ZSCAN5A: variants seen among roughly 807,000 people sequenced by gnomAD.
The protein encoded by ZSCAN5A is zinc finger and SCAN domain containing 5A.
In ZSCAN5A, 12 loss-of-function variants were observed where a neutral mutation model predicts 23.7. The ratio of observed to expected loss-of-function variants is 0.51; its 90% CI spans 0.32 to 0.82. The LOEUF is 0.82. Ranked by LOEUF, ZSCAN5A falls within the 40% of genes least tolerant of loss-of-function variation. The pLI is 0.03. For missense variants in ZSCAN5A, 597 were observed against 617.9 expected, an observed-to-expected ratio of 0.97 and a Z score of 0.36; for synonymous variants, 257 against 239.9, an observed-to-expected ratio of 1.07 and a Z score of -0.66.
At chr19:56,302,330 C>T (rs890839662) in intron 2 of ZSCAN5A, among the ~76,000 whole-genome samples, 3 of 138,638 alleles carry the variant, frequency 2.2e-5, no homozygotes, top group African/African-American at 8.0e-5. Context: ...CCCTCCCCTT[C>T]CTCCTTCCCT....
chr19:56,282,931 G>T (rs1179335045), intron 2 of ZSCAN5A: 1 of 152,258 alleles, frequency 6.6e-6, no homozygotes, highest in Non-Finnish European at 1.5e-5. Context: ...TAGGTGGAAT[G>T]AGACCATGGC....
chr19:56,234,935 C>T (rs1270200218), intron 2 of ZSCAN5A, among the ~76,000 whole-genome samples: 1 of 152,218 alleles, frequency 6.6e-6, no homozygotes, highest in Non-Finnish European at 1.5e-5. Flanking sequence ...ATTAGGGTAA[C>T]CAGGGGTTAA....
In ZSCAN5A at chr19:56,342,479, T is replaced by C. The variant is rs1461485688; in HGVS notation, c.-358+20756A>G. 4 of 401,588 alleles carry C rather than the reference T, an allele frequency of 1.0e-5. No individual in the cohort carries two copies. In the Admixed American group the frequency reaches 1.1e-4, roughly 11 times the overall value. 24.9% of individuals were successfully genotyped at this position (401,588 alleles called of 1,614,324 possible). A position where few individuals can be genotyped will look rare whatever the true frequency, so the allele number is the denominator to read the frequency against. The stretch of plus-strand genomic sequence containing the variant: ...CTGGAGAATTTTCATAGGCAAATTC[T>C]GTGTGGGCTGGAACAGTAAGCACTC... On this transcript the variant is annotated intron_variant, in intron 2 of 6. Coordinates refer to the ZSCAN5A transcript ENST00000587340.
At chr19:56,273,274 C>G (rs1454053509) in intron 2 of ZSCAN5A, among the ~76,000 whole-genome samples, 1 of 152,200 alleles carries the variant, frequency 6.6e-6, no homozygotes, top group Non-Finnish European at 1.5e-5. Context: ...TGTGCAGTGC[C>G]TGGAAGTCAA....
At chr19:56,328,279 C>G (rs1449597603) in intron 2 of ZSCAN5A, among the ~76,000 whole-genome samples, 1 of 152,084 alleles carries the variant, frequency 6.6e-6, no homozygotes, top group Non-Finnish European at 1.5e-5. Context: ...AATGCTGTCA[C>G]AGAATGCAAA....
chr19:56,288,152 GC>G (rs1412961718), intron 2 of ZSCAN5A, among the ~76,000 whole-genome samples: 1 of 152,166 alleles, frequency 6.6e-6, no homozygotes, highest in Non-Finnish European at 1.5e-5. Flanking sequence ...GAAGGCTGAG[GC>G]CCTTAAGCTG....
At chr19:56,224,222 T>C (rs150163097) in intron 3 of ZSCAN5A, 4,344 of 253,612 alleles carry the variant, frequency 0.017, 52 homozygotes, top group Admixed American at 0.023. Context: ...CCAACCACTT[T>C]CCCTGCTTCA....
At chr19:56,228,199 A>G in intron 2 of ZSCAN5A, 2 of 984,230 alleles carry the variant, frequency 2.0e-6, no homozygotes, top group Non-Finnish European at 2.4e-6. Context: ...TCTGAAACCA[A>G]CCCCCGACAT....
At chr19:56,350,610 C>T (rs1274058311) in intron 2 of ZSCAN5A, among the ~76,000 whole-genome samples, 4 of 152,038 alleles carry the variant, frequency 2.6e-5, no homozygotes, top group Non-Finnish European at 5.9e-5. Context: ...AAAAAGTTAC[C>T]GCTATATTAA....
rs181148166 is a variant in ZSCAN5A at position 56,348,347 on chromosome 19, C to T, written c.-358+14888G>A. 5.8e-3 allele frequency among the ~76,000 whole-genome samples: 878 copies of T among 152,282 alleles called. 10 individuals carry two copies. Among genetic ancestry groups the T allele is most frequent in the African/African-American group, 0.019 (801 of 41,556 alleles). On this transcript the variant is annotated intron_variant, in intron 2 of 6. Coordinates refer to the ZSCAN5A transcript ENST00000587340. Reference sequence around the variant, plus strand: ...CTTTTTCTCAACCTTAGTTGACACACGCTTGCAAGCCATTGTCATGATAGC... The same window carrying T: ...CTTTTTCTCAACCTTAGTTGACACATGCTTGCAAGCCATTGTCATGATAGC...
chr19:56,309,471 C>T (rs2040896499), intron 2 of ZSCAN5A, among the ~76,000 whole-genome samples: 1 of 152,204 alleles, frequency 6.6e-6, no homozygotes, highest in Admixed American at 6.5e-5. Context: ...ATTATGTTTG[C>T]ATTTTACCTC....
chr19:56,246,721 C>A, intron 2 of ZSCAN5A: 1 of 1,245,060 alleles, frequency 8.0e-7, no homozygotes. Context: ...TGTGGAATCC[C>A]TTCTTCCAGC....
chr19:56,264,672 T>C (rs2037346414), intron 2 of ZSCAN5A, among the ~76,000 whole-genome samples: 1 of 152,270 alleles, frequency 6.6e-6, no homozygotes, highest in Non-Finnish European at 1.5e-5. Context: ...CTTGCTTATG[T>C]ATTGTCTCTG....
At chr19:56,270,913 C>A (rs1188035103) in intron 2 of ZSCAN5A, among the ~76,000 whole-genome samples, 2 of 152,188 alleles carry the variant, frequency 1.3e-5, no homozygotes, top group Admixed American at 1.3e-4. Context: ...TCCTGATCTT[C>A]CCTAAAGCAT....
At chr19:56,320,504 C>A (rs549657115) in intron 2 of ZSCAN5A, 4 of 398,488 alleles carry the variant, frequency 1.0e-5, no homozygotes, top group East Asian at 5.6e-5. Flanking sequence ...TCCAGGTACT[C>A]GGGAGGATGA....
intron 2 of ZSCAN5A, among the ~76,000 whole-genome samples, chr19:56,276,917 T>C (rs557738934): frequency 1.3e-5 from 2 of 152,030 alleles, no homozygotes; most frequent in African/African-American, 4.8e-5. Flanking sequence ...ACAAATATTA[T>C]AAATATTTAC....
chr19:56,276,534 T>TTTTATTTA (rs78738335), intron 2 of ZSCAN5A, among the ~76,000 whole-genome samples: 2 of 141,262 alleles, frequency 1.4e-5, no homozygotes, highest in African/African-American at 2.5e-5. Flanking sequence ...TGAGGGTTAT[T>TTTTATTTA]TTTATTTATT....
intron 2 of ZSCAN5A, among the ~76,000 whole-genome samples, chr19:56,336,830 G>C (rs1005074108): frequency 5.3e-5 from 8 of 152,238 alleles, no homozygotes; most frequent in Non-Finnish European, 8.8e-5. Context: ...CAGGTCTGTG[G>C]AGTTTGCTGG....
chr19:56,251,310 G>A (rs1438338733), intron 2 of ZSCAN5A, among the ~76,000 whole-genome samples: 1 of 152,048 alleles, frequency 6.6e-6, no homozygotes, highest in African/African-American at 2.4e-5. Context: ...GCCCATTTTT[G>A]GTGCTTTTCT....
Sources: allele counts gnomAD v4.1 joint callset (sites outside exome capture counted in the v4.1 genomes callset), GRCh38; gene constraint gnomAD v4.1.1; transcripts MANE v1.5; gene names NCBI Gene and HGNC (gene_info 2026-07-23, HGNC 2026-07-21).